ELFN1: variants seen among roughly 807,000 people sequenced by gnomAD.
ELFN1 encodes the protein extracellular leucine rich repeat and fibronectin type III domain containing 1, also known as protein ELFN1.
In ELFN1, 6 loss-of-function variants were observed where a neutral mutation model predicts 7.6. The observed-to-expected ratio is 0.79, with a 90% CI of 0.43 to 1.56. The LOEUF is 1.56. Among genes scored for constraint, ELFN1 ranks in the 40% most tolerant of loss-of-function variants. The pLI is 0.01. For synonymous variants in ELFN1, 657 were observed against 588.1 expected (o/e 1.12, Z -1.70); for missense variants, 1,169 against 1,232.2 (o/e 0.95, Z 0.77).
intron 2 of ELFN1, among the ~76,000 whole-genome samples, chr7:1,704,536 C>A (rs1779490450): frequency 1.3e-5 from 2 of 152,154 alleles, no homozygotes; most frequent in South Asian, 4.1e-4. Context: ...ATGTGGGTCA[C>A]TGGGTCTCGA....
upstream of ELFN1, among the ~76,000 whole-genome samples, chr7:1,667,568 C>G (rs1286690322): frequency 1.3e-5 from 2 of 152,208 alleles, no homozygotes; most frequent in Non-Finnish European, 2.9e-5. This position sits in a 1 kb window ranked among gnomAD's most constrained non-coding sequence, Gnocchi z 8.2. Context: ...ACACTCAGGT[C>G]TGAGCCTGAG....
At position 1,705,541 on chromosome 7, in the gene ELFN1, G is replaced by C. The variant is rs951981584; in HGVS notation, c.-455-3550G>C. Among the ~76,000 whole-genome samples, 1 of 152,218 alleles carries C rather than the reference G, an allele frequency of 6.6e-6. No homozygotes were observed. Among genetic ancestry groups the C allele is most frequent in the African/African-American group, 2.4e-5 (1 of 41,454 alleles). On this transcript the variant is annotated intron_variant, in intron 2 of 3. Coordinates refer to ENST00000424383, the MANE Select transcript of ELFN1 (RefSeq NM_001128636.4). The surrounding 1 kb of genome is among the most constrained non-coding windows in gnomAD (Gnocchi z 4.3). ...GGCACTGCTGGGCCCCCCTTCCGACGGCACACAGTGGGCACCTCAGATGGC... is the reference window on the plus strand; with the variant it reads ...GGCACTGCTGGGCCCCCCTTCCGACCGCACACAGTGGGCACCTCAGATGGC...
Position 1,740,142 on chromosome 7 carries a change from C to A in ELFN1, c.-293-4162C>A, listed in dbSNP as rs1042462178. On this transcript the variant is annotated intron_variant, in intron 3 of 3. Coordinates refer to ENST00000424383, the MANE Select transcript of ELFN1 (RefSeq NM_001128636.4). This position sits in a 1 kb window ranked among gnomAD's most constrained non-coding sequence, Gnocchi z 5.0. ...CTGGAGGTATCAGACCTGAGGGGTG[C>A]CCATTCCAGAGGCGCCACGGCCTCT... is the stretch of plus-strand genomic sequence containing the variant. 3.9e-5 allele frequency among the ~76,000 whole-genome samples: 6 copies of A among 152,144 alleles called. No individual in the cohort carries two copies. The highest frequency in any genetic ancestry group is 1.4e-4 in the African/African-American group (6 of 41,420).
At chr7:1,742,941 C>T (rs1003422713) in intron 3 of ELFN1, among the ~76,000 whole-genome samples, 14 of 152,214 alleles carry the variant, frequency 9.2e-5, no homozygotes, top group African/African-American at 2.4e-4. Context: ...GCTGGCTGCC[C>T]GCCAGGCCAC....
chr7:1,684,625 A>G (rs1490759124), intron 1 of ELFN1, among the ~76,000 whole-genome samples: 1 of 152,042 alleles, frequency 6.6e-6, no homozygotes, highest in African/African-American at 2.4e-5. Context: ...TAATTTTTAG[A>G]GTTATTTTCT....
At chr7:1,709,672 A>G (rs902974463) in intron 3 of ELFN1, among the ~76,000 whole-genome samples, 1 of 152,274 alleles carries the variant, frequency 6.6e-6, no homozygotes, top group Non-Finnish European at 1.5e-5. Context: ...ATAACACGGC[A>G]TAGGTCACGT....
chr7:1,699,619 C>T (rs1012968980), intron 2 of ELFN1, among the ~76,000 whole-genome samples: 1 of 151,976 alleles, frequency 6.6e-6, no homozygotes, highest in East Asian at 1.9e-4. Context: ...CCAGCCTGGT[C>T]CACAAAGCAA....
chr7:1,672,996 G>A (rs1418424965), intron 1 of ELFN1, among the ~76,000 whole-genome samples: 1 of 152,174 alleles, frequency 6.6e-6, no homozygotes, highest in Non-Finnish European at 1.5e-5. Flanking sequence ...CTCCAGGGCT[G>A]GGTGATGAGG....
chr7:1,702,284 C>G (rs888536400), intron 2 of ELFN1, among the ~76,000 whole-genome samples: 1 of 152,038 alleles, frequency 6.6e-6, no homozygotes, highest in African/African-American at 2.4e-5. Context: ...AATTAGCCAG[C>G]GTGATGGCGG....
Position 1,740,955 on chromosome 7 carries a change from C to A in ELFN1, c.-293-3349C>A, listed in dbSNP as rs1176898778. 1.3e-5 allele frequency among the ~76,000 whole-genome samples: 2 copies of A among 152,092 alleles called. No individual in the cohort carries two copies. Among genetic ancestry groups the A allele is most frequent in the African/African-American group, 4.8e-5 (2 of 41,416 alleles). On this transcript the variant is annotated intron_variant, in intron 3 of 3. Coordinates refer to ENST00000424383, the MANE Select transcript of ELFN1 (RefSeq NM_001128636.4). The surrounding 1 kb of genome is among the most constrained non-coding windows in gnomAD (Gnocchi z 5.0). ...AACCAGCCTGACCAATATGGTGAAA[C>A]CCTGTCTCTACTAAAAGTACAAAAA... is the stretch of plus-strand genomic sequence containing the variant.
At chr7:1,727,028 C>T (rs866184256) in intron 3 of ELFN1, among the ~76,000 whole-genome samples, 1 of 152,190 alleles carries the variant, frequency 6.6e-6, no homozygotes, top group African/African-American at 2.4e-5. Flanking sequence ...TGTCCAGCAT[C>T]GGGGTCGGGC....
intron 3 of ELFN1, among the ~76,000 whole-genome samples, chr7:1,731,842 G>T (rs1303571422): frequency 6.6e-6 from 1 of 152,200 alleles, no homozygotes; most frequent in African/African-American, 2.4e-5. Context: ...TAGAGACGGG[G>T]TTTTGCCATG....
intron 1 of ELFN1, among the ~76,000 whole-genome samples, chr7:1,686,565 A>G (rs1159955637): frequency 6.6e-6 from 1 of 151,732 alleles, no homozygotes; most frequent in Non-Finnish European, 1.5e-5. Context: ...TCAGTCAGTG[A>G]TTGGTTTGGG....
Position 1,745,825 on chromosome 7 carries a change from C to A in ELFN1, c.1229C>A (p.Pro410His). 6.3e-7 allele frequency: 1 copy of A among 1,574,912 alleles called. No homozygotes were observed. The highest frequency in any genetic ancestry group is 2.4e-5 in the East Asian group (1 of 42,416). ...CTGCCCAGCCCGCCTGGTCCGGTGC[C>A]CAGCCCCTCCACGGCCACCCACTAC... ...PRLPSPPGPV[P>H]SPSTATHYIM... The change falls in exon 4 of 4, where the codon CCC becomes CAC. Residue 410 changes from proline (P) to histidine (H), a missense_variant. Physicochemically the swap from Pro to His is moderately conservative, Grantham distance 77. Transcript: ENST00000424383.
chr7:1,710,488 G>A (rs1419125357), intron 3 of ELFN1, among the ~76,000 whole-genome samples: 1 of 152,202 alleles, frequency 6.6e-6, no homozygotes, highest in Non-Finnish European at 1.5e-5. Context: ...GCCTCACCAG[G>A]ACTTGGTAGG....
intron 2 of ELFN1, among the ~76,000 whole-genome samples, chr7:1,690,875 A>G (rs1243798403): frequency 6.6e-6 from 1 of 152,048 alleles, no homozygotes; most frequent in African/African-American, 2.4e-5. Context: ...AGAAGGATAT[A>G]TGGATGATGA....
chr7:1,718,349 G>A (rs1447223134), intron 3 of ELFN1, among the ~76,000 whole-genome samples: 1 of 152,158 alleles, frequency 6.6e-6, no homozygotes, highest in Non-Finnish European at 1.5e-5. Flanking sequence ...TCATTCCTCT[G>A]GACACCCTGG....
At chr7:1,711,648 C>G (rs1185414091) in intron 3 of ELFN1, among the ~76,000 whole-genome samples, 1 of 151,216 alleles carries the variant, frequency 6.6e-6, no homozygotes, top group Non-Finnish European at 1.5e-5. Flanking sequence ...GGAGAAAGCG[C>G]ACTCGGAAAC....
chr7:1,726,083 A>C (rs964237005), intron 3 of ELFN1, among the ~76,000 whole-genome samples: 7 of 152,014 alleles, frequency 4.6e-5, no homozygotes, highest in Admixed American at 1.3e-4. Context: ...TACACACACA[A>C]AAATCACACT....
Sources: allele counts gnomAD v4.1 joint callset (sites outside exome capture counted in the v4.1 genomes callset), GRCh38; gene constraint gnomAD v4.1.1; non-coding constraint Gnocchi (gnomAD v3.1); transcripts MANE v1.5; gene names NCBI Gene and HGNC (gene_info 2026-07-23, HGNC 2026-07-21).